TMEM255B: variants seen among roughly 807,000 people sequenced by gnomAD.
TMEM255B encodes the protein transmembrane protein 255B.
In TMEM255B, 35 loss-of-function variants were observed where a neutral mutation model predicts 34.5. The observed-to-expected ratio is 1.01, with a 90% CI of 0.77 to 1.34. TMEM255B has a LOEUF of 1.34. TMEM255B is among the 40% of genes most tolerant of loss of function. TMEM255B has a pLI of 0.00. For synonymous variants in TMEM255B, 206 were observed against 201.2 expected (o/e 1.02, Z -0.20); for missense variants, 432 against 433.2 (o/e 1.00, Z 0.02).
chr13:113,773,739 C>T (rs140808823), intron 3 of TMEM255B, among the ~76,000 whole-genome samples: 9 of 152,170 alleles, frequency 5.9e-5, no homozygotes, highest in Admixed American at 4.6e-4. Flanking sequence ...GCTGCGTGAT[C>T]GTAGGAAACT....
At chr13:113,782,595 A>G (rs1202086017) in intron 3 of TMEM255B, among the ~76,000 whole-genome samples, 2 of 149,190 alleles carry the variant, frequency 1.3e-5, no homozygotes, top group African/African-American at 4.9e-5. Flanking sequence ...CTCACTGGAC[A>G]TGGGGGCGCA....
At chr13:113,787,197 G>A (rs114088070) in intron 3 of TMEM255B, among the ~76,000 whole-genome samples, 1,702 of 152,344 alleles carry the variant, frequency 0.011, 29 homozygotes, top group South Asian at 0.047. Context: ...TGCACGCGCA[G>A]GGGTGTTTTC....
intron 3 of TMEM255B, among the ~76,000 whole-genome samples, chr13:113,774,700 A>G (rs1705370269): frequency 7.4e-6 from 1 of 135,580 alleles, no homozygotes; most frequent in Admixed American, 7.7e-5. Flanking sequence ...TGACACACAC[A>G]CCACACAATA....
intron 3 of TMEM255B, among the ~76,000 whole-genome samples, chr13:113,773,412 A>G (rs1379622572): frequency 9.9e-5 from 15 of 152,198 alleles, no homozygotes; most frequent in African/African-American, 3.6e-4. Context: ...TACAATCTGG[A>G]TGCATGGGGA....
intron 8 of TMEM255B, among the ~76,000 whole-genome samples, chr13:113,809,712 A>ATGGTCCTGG (rs1291991179): frequency 3.2e-4 from 48 of 151,074 alleles, no homozygotes; most frequent in African/African-American, 1.2e-3. Flanking sequence ...GTTTTACTCC[A>ATGGTCCTGG]TGGTTCACTC....
At chr13:113,765,074 A>G (rs1566718768) in intron 1 of TMEM255B, among the ~76,000 whole-genome samples, 1 of 152,156 alleles carries the variant, frequency 6.6e-6, no homozygotes, top group East Asian at 1.9e-4. Context: ...TGGAAGGTAA[A>G]AAGCGATTTA....
At chr13:113,792,642 T>TTG (rs1226686086) in intron 3 of TMEM255B, among the ~76,000 whole-genome samples, 5 of 152,228 alleles carry the variant, frequency 3.3e-5, no homozygotes, top group African/African-American at 1.2e-4. Context: ...CATCTGTCTG[T>TTG]TCCTCCAGCA....
At chr13:113,804,643 CCGGGCCGGGG>C (rs2051131285) in intron 7 of TMEM255B, among the ~76,000 whole-genome samples, 2 of 143,258 alleles carry the variant, frequency 1.4e-5, no homozygotes, top group African/African-American at 2.6e-5. Context: ...TAAACGCACG[CCGGGCCGGGG>C]TTAGCTCCAG....
intron 3 of TMEM255B, among the ~76,000 whole-genome samples, chr13:113,790,853 C>T (rs1489643811): frequency 6.6e-6 from 1 of 152,018 alleles, no homozygotes; most frequent in Non-Finnish European, 1.5e-5. Flanking sequence ...TGACCGGACA[C>T]GTAGACATCC....
intron 3 of TMEM255B, among the ~76,000 whole-genome samples, chr13:113,773,296 C>G (rs1255063924): frequency 1.3e-5 from 2 of 152,208 alleles, no homozygotes; most frequent in Non-Finnish European, 2.9e-5. Context: ...ATCTGCAACC[C>G]TGTGGAACTC....
At chr13:113,793,246 G>A (rs1236483893) in intron 3 of TMEM255B, among the ~76,000 whole-genome samples, 2 of 152,222 alleles carry the variant, frequency 1.3e-5, no homozygotes, top group Non-Finnish European at 2.9e-5. Flanking sequence ...ACAGAGCTCA[G>A]GGGTGTCGGC....
chr13:113,814,304 C>A lies in TMEM255B; in HGVS notation c.*2401C>A, dbSNP rs2051380518. 1 of 152,320 alleles carries A rather than the reference C, an allele frequency of 6.6e-6. No individual in the cohort carries two copies. The highest frequency in any genetic ancestry group is 1.5e-5 in the Non-Finnish European group (1 of 68,094). 9.4% of individuals were successfully genotyped at this position (152,320 alleles called of 1,614,324 possible). ...GGAATAACCCTCCTTCCCCTCATGTCAGCCCTCGGTCGCAGGGTGCGGTGT... is the reference window on the plus strand; with the variant it reads ...GGAATAACCCTCCTTCCCCTCATGTAAGCCCTCGGTCGCAGGGTGCGGTGT... On this transcript the variant is annotated 3_prime_UTR_variant, in exon 9 of 9. Coordinates refer to ENST00000375353, the MANE Select transcript of TMEM255B (RefSeq NM_182614.4).
chr13:113,777,663 G>A (rs1323049536), intron 3 of TMEM255B, among the ~76,000 whole-genome samples: 1 of 152,246 alleles, frequency 6.6e-6, no homozygotes, highest in Non-Finnish European at 1.5e-5. Flanking sequence ...AAAGGAGGAT[G>A]GTCTTGGGAA....
At chr13:113,775,083 C>T (rs1271075097) in intron 3 of TMEM255B, among the ~76,000 whole-genome samples, 1 of 146,404 alleles carries the variant, frequency 6.8e-6, no homozygotes, top group Non-Finnish European at 1.5e-5. Context: ...CCACACACAC[C>T]ACATACACCA....
intron 6 of TMEM255B, 40 bp from the exon 7 acceptor site, chr13:113,801,613 T>A: frequency 6.5e-7 from 1 of 1,548,408 alleles, no homozygotes; most frequent in Non-Finnish European, 8.8e-7. Flanking sequence ...GGGTGGTCAC[T>A]TGCCTCGTGC....
chr13:113,785,982 C>T (rs1033510876), intron 3 of TMEM255B, among the ~76,000 whole-genome samples: 12 of 152,188 alleles, frequency 7.9e-5, no homozygotes, highest in East Asian at 1.9e-4. Flanking sequence ...TCTCCCACTT[C>T]GTGTTTCCAA....
In TMEM255B at chr13:113,781,827, C is replaced by A. The variant is rs868507560; in HGVS notation, c.252+12667C>A. 2.6e-5 allele frequency among the ~76,000 whole-genome samples: 4 copies of A among 152,346 alleles called. No individual in the cohort carries two copies. In the South Asian group the frequency reaches 8.3e-4, roughly 32 times the overall value. On this transcript the variant is annotated intron_variant, in intron 3 of 8. Transcript: ENST00000375353. ...GCAGACAAGCTACCACATGCCTTGA[C>A]TTTCTGACTTGTCCTAAACATCCCT...
At chr13:113,764,726 C>T (rs753138830) in intron 1 of TMEM255B, among the ~76,000 whole-genome samples, 2 of 152,212 alleles carry the variant, frequency 1.3e-5, no homozygotes, top group Non-Finnish European at 2.9e-5. Context: ...GGTGAAGGGG[C>T]AACTGTGGAG....
intron 3 of TMEM255B, 90 bp from the exon 4 acceptor site, chr13:113,795,058 C>T: frequency 2.5e-6 from 3 of 1,213,650 alleles, no homozygotes; most frequent in Non-Finnish European, 3.6e-6. Flanking sequence ...TGAAAGAAGC[C>T]CCGACCTCGA....
Sources: allele counts gnomAD v4.1 joint callset (sites outside exome capture counted in the v4.1 genomes callset), GRCh38; gene constraint gnomAD v4.1.1; transcripts MANE v1.5; gene names NCBI Gene and HGNC (gene_info 2026-07-23, HGNC 2026-07-21).